Variants in ASAP1 observed in about 807,000 individuals in gnomAD.
The protein encoded by ASAP1 is arf-GAP with SH3 domain, ANK repeat and PH domain-containing protein 1.
Under a neutral mutation model 145.2 loss-of-function variants are expected in ASAP1, and 43 were observed. The observed-to-expected ratio is 0.30, with a 90% confidence interval of 0.23 to 0.38. ASAP1 has a LOEUF of 0.38. Ranked by LOEUF, ASAP1 falls within the 10% of genes least tolerant of loss-of-function variation. The probability of loss-of-function intolerance (pLI) is 1.00; values close to 1 mark genes in which losing one functional copy is unlikely to be tolerated. For synonymous variants in ASAP1, 546 were observed against 515.5 expected (o/e 1.06, Z -0.80); for missense variants, 1,018 against 1,355.3 (o/e 0.75, Z 3.91).
At chr8:130,268,749 C>T (rs1820418752) in intron 3 of ASAP1, among the ~76,000 whole-genome samples, 2 of 152,050 alleles carry the variant, frequency 1.3e-5, no homozygotes. Context: ...GCATGATATA[C>T]TACATTTAGA....
At chr8:130,202,837 G>A (rs551353342) in intron 5 of ASAP1, among the ~76,000 whole-genome samples, 1 of 152,066 alleles carries the variant, frequency 6.6e-6, no homozygotes, top group South Asian at 2.1e-4. Context: ...TGAATTTTCA[G>A]TTGCTTAACA....
chr8:130,101,093 T>C (rs1592800604), intron 24 of ASAP1, among the ~76,000 whole-genome samples: 1 of 152,350 alleles, frequency 6.6e-6, no homozygotes, highest in East Asian at 1.9e-4. Flanking sequence ...TGGCTATAAA[T>C]ATGTGGATTT....
intron 24 of ASAP1, among the ~76,000 whole-genome samples, chr8:130,097,517 A>G (rs141753373): frequency 1.2e-3 from 180 of 152,072 alleles, no homozygotes; most frequent in Non-Finnish European, 2.2e-3. Flanking sequence ...TTGCCGCTGA[A>G]CCTACCTGAT....
In ASAP1 at chr8:130,358,046, A is replaced by G. The variant is rs763631682; in HGVS notation, c.157T>C (p.Cys53Arg). ...TSSFTTRLHN[C>R]RNTVTLLEEA... ...TCCAGCAGCGTGACGGTGTTCCTGC[A>G]GTTGTGCAGCCGCGTGGTGAAGCTG... The change falls in exon 3 of 30, where the codon TGC (cysteine) becomes CGC (arginine). Residue 53 changes from cysteine (C) to arginine (R), a missense_variant. By Grantham distance (180) the Cys-to-Arg change is radical. Around this residue, in one of 9 missense-constraint regions of ASAP1, gnomAD observed 106 missense variants for 134.5 expected, o/e 0.79. Coordinates refer to ENST00000518721, the MANE Select transcript of ASAP1 (RefSeq NM_018482.4). The surrounding 1 kb of genome is among the most constrained non-coding windows in gnomAD (Gnocchi z 4.1). The G allele has an allele frequency of 1.2e-6, 2 of 1,609,494 alleles. No individual in the cohort carries two copies. Among genetic ancestry groups the G allele is most frequent in the Non-Finnish European group, 1.7e-6 (2 of 1,178,566 alleles).
intron 13 of ASAP1, among the ~76,000 whole-genome samples, chr8:130,142,194 T>A (rs1162567467): frequency 6.6e-6 from 1 of 152,136 alleles, no homozygotes; most frequent in Non-Finnish European, 1.5e-5. Context: ...TTTGGATGGG[T>A]CAGAGCCCCC....
intron 12 of ASAP1, among the ~76,000 whole-genome samples, chr8:130,156,990 T>C (rs978313421): frequency 6.6e-6 from 1 of 152,242 alleles, no homozygotes; most frequent in Non-Finnish European, 1.5e-5. Context: ...ATGACTTTTA[T>C]ACTTTTGCTT....
chr8:130,364,592 T>C (rs1363365003), intron 2 of ASAP1, among the ~76,000 whole-genome samples: 1 of 152,160 alleles, frequency 6.6e-6, no homozygotes, highest in African/African-American at 2.4e-5. Flanking sequence ...TGTTGGGGTA[T>C]ATGTGCGTGT....
chr8:130,371,670 C>T (rs941576252), intron 2 of ASAP1, among the ~76,000 whole-genome samples: 8 of 152,114 alleles, frequency 5.3e-5, no homozygotes, highest in East Asian at 1.9e-4. Flanking sequence ...GTGGTTGTGA[C>T]GGCTGACACT....
chr8:130,068,527 T>C (rs777987497), intron 27 of ASAP1, among the ~76,000 whole-genome samples: 8 of 152,224 alleles, frequency 5.3e-5, no homozygotes, highest in Admixed American at 3.9e-4. Flanking sequence ...GAGTGACTAA[T>C]TTAGGGGCAG....
intron 4 of ASAP1, among the ~76,000 whole-genome samples, chr8:130,229,789 C>T (rs749607364): frequency 2.6e-5 from 4 of 152,114 alleles, no homozygotes; most frequent in Non-Finnish European, 5.9e-5. Flanking sequence ...CCTGTAAATC[C>T]CAACGCTTTA....
intron 13 of ASAP1, among the ~76,000 whole-genome samples, chr8:130,140,673 T>G (rs1046883267): frequency 6.6e-6 from 1 of 152,218 alleles, no homozygotes; most frequent in Non-Finnish European, 1.5e-5. Context: ...CCAAATCTAC[T>G]AGACTGACTT....
At chr8:130,239,972 A>C (rs1420626515) in intron 3 of ASAP1, among the ~76,000 whole-genome samples, 1 of 152,128 alleles carries the variant, frequency 6.6e-6, no homozygotes, top group Non-Finnish European at 1.5e-5. Flanking sequence ...AGAAACAAAG[A>C]TCTGCTTCTG....
chr8:130,357,257 G>C (rs1241614901), intron 3 of ASAP1, among the ~76,000 whole-genome samples: 3 of 152,002 alleles, frequency 2.0e-5, no homozygotes, highest in African/African-American at 7.2e-5. Flanking sequence ...GGAGCTGTCT[G>C]ACTGTCGCCT....
chr8:130,385,188 G>A (rs1192944686), intron 2 of ASAP1, among the ~76,000 whole-genome samples: 2 of 152,208 alleles, frequency 1.3e-5, no homozygotes, highest in Non-Finnish European at 2.9e-5. Context: ...AAGGCAGGCC[G>A]GGTGTGGTGG....
chr8:130,433,981 G>C (rs915647840), intron 1 of ASAP1, among the ~76,000 whole-genome samples: 3 of 152,208 alleles, frequency 2.0e-5, no homozygotes, highest in Non-Finnish European at 4.4e-5. Flanking sequence ...TCGTGGTCAA[G>C]AGTATGGGTA....
intron 12 of ASAP1, among the ~76,000 whole-genome samples, chr8:130,159,023 G>A (rs145426637): frequency 0.011 from 1,658 of 152,098 alleles, 27 homozygotes; most frequent in African/African-American, 0.039. Flanking sequence ...GAGCCACCGC[G>A]CCCGGCTGTG....
intron 11 of ASAP1, 187 bp from the exon 12 acceptor site, chr8:130,160,151 A>G (rs2097666069): frequency 3.5e-6 from 2 of 570,340 alleles, no homozygotes; most frequent in African/African-American, 1.9e-5. Context: ...CAGAGTCACA[A>G]AGCAAGTCCG....
rs566974185 is a variant in ASAP1, at chr8:130,271,835, T to C, written c.187-34841A>G. Among the ~76,000 whole-genome samples, 7 of 152,276 alleles carry C rather than the reference T, an allele frequency of 4.6e-5. No individual in the cohort carries two copies. The East Asian group carries it at 1.4e-3, about 29-fold the overall frequency. On this transcript the variant is annotated intron_variant, in intron 3 of 29. Transcript: ENST00000518721. ...TATCATTCTATTCTCTAGTATCCTG[T>C]TTATGAAGATTGTGTGCCACTCTGA...
At chr8:130,106,394 T>C (rs1371813423) in intron 24 of ASAP1, among the ~76,000 whole-genome samples, 1 of 152,216 alleles carries the variant, frequency 6.6e-6, no homozygotes, top group Non-Finnish European at 1.5e-5. Context: ...TGTACTTTCA[T>C]GGTGGCAGGT....
Sources: allele counts gnomAD v4.1 joint callset (sites outside exome capture counted in the v4.1 genomes callset), GRCh38; gene constraint gnomAD v4.1.1; regional missense constraint gnomAD v4.1.1; non-coding constraint Gnocchi (gnomAD v3.1); transcripts MANE v1.5; gene names NCBI Gene and HGNC (gene_info 2026-07-23, HGNC 2026-07-21).